NUAK2: variants seen among roughly 807,000 people sequenced by gnomAD.
The protein encoded by NUAK2 is NUAK family SNF1-like kinase 2.
A neutral mutation model predicts 29.8 loss-of-function variants in NUAK2; 20 were observed. The observed-to-expected ratio is 0.67, with a 90% CI of 0.47 to 0.98. The LOEUF is 0.98. Among genes scored for constraint, NUAK2 ranks in the 50% least tolerant of loss-of-function variants. The pLI is 0.00. For synonymous variants in NUAK2, 331 were observed against 342.6 expected (o/e 0.97, Z 0.37); for missense variants, 719 against 834.5 (o/e 0.86, Z 1.71).
At chr1:205,309,792 T>C (rs1372800038) in intron 2 of NUAK2, among the ~76,000 whole-genome samples, 1 of 152,178 alleles carries the variant, frequency 6.6e-6, no homozygotes, top group African/African-American at 2.4e-5. Flanking sequence ...CTGACTTCCA[T>C]CCAGAGGATC....
chr1:205,304,248 G>C lies in NUAK2; in HGVS notation c.1089C>G (p.Ser363Arg). ...GCTGGCGCTCCAGGCCAGGGGTGGT[G>C]CTTCCCCCACCAGGTGCATGCTGCT... Reference protein sequence around the residue: ...FFKQHAPGGGSTTPGLERQHS... With the variant: ...FFKQHAPGGGRTTPGLERQHS... Residue 363 changes from serine (S) to arginine (R), a missense_variant, in exon 7 of 7, where the codon AGC becomes AGG. Ser to Arg is a moderately radical substitution (Grantham distance 110). Transcript: ENST00000367157. This position sits in a 1 kb window ranked among gnomAD's most constrained non-coding sequence, Gnocchi z 6.5. The C allele has an allele frequency of 6.2e-7, 1 of 1,614,142 alleles. No homozygotes were observed. Among genetic ancestry groups the C allele is most frequent in the African/African-American group, 1.3e-5 (1 of 75,054 alleles).
intron 4 of NUAK2, among the ~76,000 whole-genome samples, chr1:205,307,050 C>T (rs1272053188): frequency 1.3e-5 from 2 of 152,214 alleles, no homozygotes; most frequent in African/African-American, 4.8e-5. Flanking sequence ...CAGCCCAAGA[C>T]TCCCTGAACC....
Position 205,304,826 on chromosome 1 carries a change from A to C in NUAK2, c.824-313T>G, listed in dbSNP as rs1331120957. On this transcript the variant is annotated intron_variant, in intron 6 of 6. Coordinates refer to ENST00000367157, the MANE Select transcript of NUAK2 (RefSeq NM_030952.3). This position sits in a 1 kb window ranked among gnomAD's most constrained non-coding sequence, Gnocchi z 6.5. ...GAAATTCAACCCTCTGAGGGTAGAG[A>C]CTGTGTTCAGGGTAAACTGGGTCTC... Among the ~76,000 whole-genome samples the C allele has an allele frequency of 6.6e-6, 1 of 152,100 alleles. No homozygotes were observed. Among genetic ancestry groups the C allele is most frequent in the African/African-American group, 2.4e-5 (1 of 41,392 alleles).
chr1:205,305,148 G>A lies in NUAK2; in HGVS notation c.823+51C>T, dbSNP rs535559558. On this transcript the variant is annotated intron_variant, in intron 6 of 6. Coordinates refer to ENST00000367157, the MANE Select transcript of NUAK2 (RefSeq NM_030952.3). Reference sequence around the variant, plus strand: ...ACTGTGTAGTTTCTGCCTTAGGAATGAGTGAAGGACACCCCAGGCCTGGAT... The same window carrying A: ...ACTGTGTAGTTTCTGCCTTAGGAATAAGTGAAGGACACCCCAGGCCTGGAT... 9 of 1,589,614 alleles carry A rather than the reference G, an allele frequency of 5.7e-6. No individual in the cohort carries two copies. In the East Asian group the frequency reaches 2.0e-4, roughly 36 times the overall value.
At chr1:205,306,708 G>C (rs1662185575) in intron 4 of NUAK2, among the ~76,000 whole-genome samples, 1 of 152,132 alleles carries the variant, frequency 6.6e-6, no homozygotes, top group Non-Finnish European at 1.5e-5. Flanking sequence ...CAGACAGACT[G>C]TACACTCCCA....
chr1:205,316,026 G>C (rs1662323898), intron 1 of NUAK2, among the ~76,000 whole-genome samples: 1 of 152,146 alleles, frequency 6.6e-6, no homozygotes, highest in Admixed American at 6.6e-5. Context: ...AAGTATCCAA[G>C]TTTAGATAAT....
In NUAK2 at chr1:205,316,698, A is replaced by T. The variant is rs75585684; in HGVS notation, c.231+4700T>A. 9.8e-3 allele frequency among the ~76,000 whole-genome samples: 1,494 copies of T among 152,318 alleles called. 25 individuals are homozygous for T. The highest frequency in any genetic ancestry group is 0.034 in the African/African-American group (1,425 of 41,568). ...AGAATTCTATGCTGAACTTCTTCAG[A>T]AATGGGCCACCTGCTACTATGCCAG... On this transcript the variant is annotated intron_variant, in intron 1 of 6. Transcript: ENST00000367157.
intron 1 of NUAK2, among the ~76,000 whole-genome samples, chr1:205,313,924 G>T (rs988595752): frequency 5.9e-5 from 9 of 152,318 alleles, no homozygotes; most frequent in Admixed American, 3.3e-4. Context: ...CTAGACTGTG[G>T]TAAACAGCTC....
In NUAK2 at chr1:205,308,524, C is replaced by A; in HGVS notation, c.504+57G>T. The A allele has an allele frequency of 1.3e-6, 2 of 1,579,222 alleles. No individual in the cohort carries two copies. Among genetic ancestry groups the A allele is most frequent in the Non-Finnish European group, 8.7e-7 (1 of 1,152,020 alleles). On this transcript the variant is annotated intron_variant, in intron 3 of 6. Coordinates refer to ENST00000367157, the MANE Select transcript of NUAK2 (RefSeq NM_030952.3). The surrounding 1 kb of genome is among the most constrained non-coding windows in gnomAD (Gnocchi z 4.1). Reference sequence around the variant, plus strand: ...ATGGAACCTCTCTGGTCCAAAACAGCCCTAGAGCCCTGGGGACCACCCACT... The same window carrying A: ...ATGGAACCTCTCTGGTCCAAAACAGACCTAGAGCCCTGGGGACCACCCACT...
intron 1 of NUAK2, 84 bp downstream of exon 1, chr1:205,321,314 G>T (rs1558677689): frequency 2.4e-6 from 3 of 1,243,294 alleles, no homozygotes; most frequent in Non-Finnish European, 2.2e-6. Flanking sequence ...CGAGCAACGA[G>T]CGAGCCGCCG....
chr1:205,308,156 G>A lies in NUAK2; in HGVS notation c.570+9C>T, dbSNP rs780093725. The A allele has an allele frequency of 6.3e-6, 10 of 1,588,586 alleles. No homozygotes were observed. The South Asian group carries it at 6.7e-5, about 11-fold the overall frequency. ...AAGGAGGCTTCTAGAAATAAGAAGTGGGACTCACCTTGATATTCCCATTGG... is the reference window on the plus strand; with the variant it reads ...AAGGAGGCTTCTAGAAATAAGAAGTAGGACTCACCTTGATATTCCCATTGG... On this transcript the variant is annotated intron_variant, in intron 4 of 6. Coordinates refer to ENST00000367157, the MANE Select transcript of NUAK2 (RefSeq NM_030952.3). The surrounding 1 kb of genome is among the most constrained non-coding windows in gnomAD (Gnocchi z 4.1).
intron 1 of NUAK2, among the ~76,000 whole-genome samples, chr1:205,319,118 G>C (rs1323526849): frequency 6.6e-6 from 1 of 152,096 alleles, no homozygotes; most frequent in African/African-American, 2.4e-5. Context: ...GGGGTGGGGT[G>C]GGGAAGAGGC....
At chr1:205,320,646 AG>A (rs1662401036) in intron 1 of NUAK2, among the ~76,000 whole-genome samples, 1 of 152,214 alleles carries the variant, frequency 6.6e-6, no homozygotes, top group Non-Finnish European at 1.5e-5. Flanking sequence ...CTTGTGAGGC[AG>A]GCTGTGTTTT....
At position 205,308,756 on chromosome 1, in the gene NUAK2, G is replaced by A. The variant is rs373248494; in HGVS notation, c.353-24C>T. 1.9e-6 allele frequency: 3 copies of A among 1,610,658 alleles called. No homozygotes were observed. Among genetic ancestry groups the A allele is most frequent in the African/African-American group, 2.7e-5 (2 of 74,880 alleles). ...CACTGGGCAGAGCAAGGCAAGGAAC[G>A]TCAGGCCCTCCCAGAGTGCACTGCT... is the stretch of plus-strand genomic sequence containing the variant. On this transcript the variant is annotated intron_variant, in intron 2 of 6. Transcript: ENST00000367157. This position sits in a 1 kb window ranked among gnomAD's most constrained non-coding sequence, Gnocchi z 4.1.
rs114413074 is a variant in NUAK2, at chr1:205,303,948, G to A, written c.1389C>T (p.Pro463=). Residue 463 remains proline (P), a synonymous_variant, in exon 7 of 7, where the codon CCC becomes CCT. Coordinates refer to ENST00000367157, the MANE Select transcript of NUAK2 (RefSeq NM_030952.3). ...AGAGCTCCCCAGATTCACTGGGCTC[G>A]GGAGAGGAGTAGTAGCCAGACTCGC... The part of the protein sequence containing the change: ...RQRESGYYSS[P]EPSESGELLD... 2.8e-4 allele frequency: 449 copies of A among 1,613,946 alleles called. No homozygotes were observed. The Middle Eastern group carries it at 4.8e-3, about 17-fold the overall frequency.
intron 5 of NUAK2, 26 bp from the exon 6 acceptor site, chr1:205,305,357 G>T (rs1175135057): frequency 6.2e-7 from 1 of 1,608,914 alleles, no homozygotes; most frequent in African/African-American, 1.3e-5. Context: ...GAGGTCAGCA[G>T]GGATGCCCAT....
At chr1:205,305,098 C>T in intron 6 of NUAK2, 101 bp downstream of exon 6, 1 of 1,464,672 alleles carries the variant, frequency 6.8e-7, no homozygotes, top group Non-Finnish European at 9.3e-7. Context: ...CCATGATGGA[C>T]TGTTGCCCGT....
intron 2 of NUAK2, among the ~76,000 whole-genome samples, chr1:205,309,743 A>G (rs970726929): frequency 1.4e-4 from 22 of 152,356 alleles, no homozygotes; most frequent in African/African-American, 5.3e-4. Context: ...ATCATGAACT[A>G]TAAAGCACCA....
rs1291451725 is a variant in NUAK2, at chr1:205,304,971, G to A, written c.823+228C>T. On this transcript the variant is annotated intron_variant, in intron 6 of 6. Coordinates refer to ENST00000367157, the MANE Select transcript of NUAK2 (RefSeq NM_030952.3). The surrounding 1 kb of genome is among the most constrained non-coding windows in gnomAD (Gnocchi z 6.5). ...AAAGAAGATCTAAGTGAGACCTTAG[G>A]AACCACTTCCCAAATATAATCAAAC... Among the ~76,000 whole-genome samples, 2 of 152,198 alleles carry A rather than the reference G, an allele frequency of 1.3e-5. No individual in the cohort carries two copies. Among genetic ancestry groups the A allele is most frequent in the African/African-American group, 4.8e-5 (2 of 41,444 alleles).
Sources: allele counts gnomAD v4.1 joint callset (sites outside exome capture counted in the v4.1 genomes callset), GRCh38; gene constraint gnomAD v4.1.1; non-coding constraint Gnocchi (gnomAD v3.1); transcripts MANE v1.5; gene names NCBI Gene and HGNC (gene_info 2026-07-23, HGNC 2026-07-21).